SLC4A4: variants seen among roughly 807,000 people sequenced by gnomAD.
The protein encoded by SLC4A4 is solute carrier family 4 member 4.
Under a neutral mutation model 111.5 loss-of-function variants are expected in SLC4A4, and 27 were observed. The ratio of observed to expected loss-of-function variants is 0.24; its 90% CI spans 0.18 to 0.33. The LOEUF (loss-of-function observed/expected upper bound fraction) is 0.33, where lower values mean the gene tolerates loss of function less well. Among genes scored for constraint, SLC4A4 ranks in the 10% least tolerant of loss-of-function variants. The pLI is 1.00. For missense variants in SLC4A4, 909 were observed against 1,315.5 expected (o/e 0.69, Z 4.78); for synonymous variants, 443 against 463.4 (o/e 0.96, Z 0.57).
At chr4:71,435,729 C>T (rs1056075513) in intron 7 of SLC4A4, among the ~76,000 whole-genome samples, 1 of 151,972 alleles carries the variant, frequency 6.6e-6, no homozygotes, top group African/African-American at 2.4e-5. Context: ...AACAAACAAC[C>T]CCATCAAAAA....
chr4:71,063,928 G>A (rs1379722239), intron 1 of SLC4A4, among the ~76,000 whole-genome samples: 1 of 152,074 alleles, frequency 6.6e-6, no homozygotes, highest in African/African-American at 2.4e-5. Flanking sequence ...AGAAAGGTCA[G>A]GGAGCATTTG....
intron 3 of SLC4A4, among the ~76,000 whole-genome samples, chr4:71,272,855 C>T (rs1280947122): frequency 1.3e-5 from 2 of 152,086 alleles, no homozygotes; most frequent in Non-Finnish European, 1.5e-5. Context: ...CTAGATATAG[C>T]AATGTCACAA....
At chr4:71,521,631 G>A (rs1377527) in intron 16 of SLC4A4, among the ~76,000 whole-genome samples, 34,438 of 151,918 alleles carry the variant, frequency 0.23, 5,432 homozygotes, top group East Asian at 0.57. Flanking sequence ...TTTAATAAAG[G>A]CACTATTTAT....
At chr4:71,422,941 C>T (rs1722700716) in intron 7 of SLC4A4, among the ~76,000 whole-genome samples, 1 of 152,168 alleles carries the variant, frequency 6.6e-6, no homozygotes, top group African/African-American at 2.4e-5. Context: ...ACAGGGCTGC[C>T]CTCTCTCACC....
intron 2 of SLC4A4, among the ~76,000 whole-genome samples, chr4:71,165,191 T>C (rs1483018659): frequency 1.3e-5 from 2 of 152,150 alleles, no homozygotes; most frequent in African/African-American, 4.8e-5. Context: ...GACCCAGCAA[T>C]CCCATTACTG....
intron 2 of SLC4A4, among the ~76,000 whole-genome samples, chr4:71,111,319 G>T (rs376527552): frequency 6.6e-6 from 1 of 151,986 alleles, no homozygotes; most frequent in Non-Finnish European, 1.5e-5. Flanking sequence ...AGATGTAAGG[G>T]TATCAGATGA....
intron 1 of SLC4A4, among the ~76,000 whole-genome samples, chr4:71,232,508 A>T (rs1409867409): frequency 6.6e-6 from 1 of 152,070 alleles, no homozygotes; most frequent in East Asian, 1.9e-4. Flanking sequence ...AACTTCTGGG[A>T]TCAAGCAGTC....
intron 1 of SLC4A4, among the ~76,000 whole-genome samples, chr4:71,074,179 C>T (rs1741747883): frequency 6.6e-6 from 1 of 152,180 alleles, no homozygotes; most frequent in South Asian, 2.1e-4. Context: ...ATTTCTGTCA[C>T]TCTGTTTCTC....
intron 2 of SLC4A4, among the ~76,000 whole-genome samples, chr4:71,139,557 T>C (rs2148965621): frequency 6.6e-6 from 1 of 152,296 alleles, no homozygotes; most frequent in Non-Finnish European, 1.5e-5. Context: ...CCTGCCCATG[T>C]TCCTGGCGAT....
At chr4:71,421,520 C>T (rs1722503636) in intron 7 of SLC4A4, among the ~76,000 whole-genome samples, 1 of 152,180 alleles carries the variant, frequency 6.6e-6, no homozygotes, top group Non-Finnish European at 1.5e-5. Flanking sequence ...CACCCCAAAT[C>T]AACAGAATAT....
chr4:71,486,370 T>C (rs1434099915), intron 14 of SLC4A4, among the ~76,000 whole-genome samples: 2 of 151,532 alleles, frequency 1.3e-5, no homozygotes, highest in Non-Finnish European at 1.5e-5. Flanking sequence ...CTTCAACCTA[T>C]AAATGACGCC....
chr4:71,338,929 G>A, intron 3 of SLC4A4: 1 of 534,114 alleles, frequency 1.9e-6, no homozygotes, highest in Non-Finnish European at 3.0e-6. Flanking sequence ...AGGGTGGGTG[G>A]GAGGCGGGGA....
At chr4:71,232,538 C>A (rs2045010) in intron 1 of SLC4A4, among the ~76,000 whole-genome samples, 2,003 of 152,186 alleles carry the variant, frequency 0.013, 58 homozygotes, top group African/African-American at 0.045. Flanking sequence ...CAGCCTCCCA[C>A]GTAGCTGGGA....
intron 17 of SLC4A4, among the ~76,000 whole-genome samples, chr4:71,533,053 C>T (rs370181105): frequency 1.3e-5 from 2 of 152,060 alleles, no homozygotes; most frequent in Non-Finnish European, 1.5e-5. Context: ...TAGAATAATC[C>T]TCCTTCCCTC....
intron 1 of SLC4A4, among the ~76,000 whole-genome samples, chr4:71,225,547 A>G (rs938105410): frequency 6.6e-6 from 1 of 152,190 alleles, no homozygotes; most frequent in Non-Finnish European, 1.5e-5. Flanking sequence ...ATAAAATTTC[A>G]GGAGCCTCAT....
intron 6 of SLC4A4, among the ~76,000 whole-genome samples, chr4:71,391,214 A>G (rs751517550): frequency 6.6e-6 from 1 of 152,058 alleles, no homozygotes; most frequent in Non-Finnish European, 1.5e-5. Flanking sequence ...TATTACATGT[A>G]AGTTATCTTA....
chr4:71,441,165 C>T (rs959984246), intron 8 of SLC4A4, among the ~76,000 whole-genome samples: 25 of 152,064 alleles, frequency 1.6e-4, no homozygotes, highest in African/African-American at 5.6e-4. Flanking sequence ...TCTGTTTTAT[C>T]AGAAAATTGG....
rs911386238 is a variant in SLC4A4 at position 71,275,699 on chromosome 4, G to A, written c.253+20300G>A. ...GAGGACAAGTGATTTGGCCAAGGTG[G>A]CACAAACAGTTAACTTAGGCCTTCG... On this transcript the variant is annotated intron_variant, in intron 3 of 25. Transcript: ENST00000264485. Among the ~76,000 whole-genome samples the A allele has an allele frequency of 4.6e-5, 7 of 152,316 alleles. No individual in the cohort carries two copies. In the South Asian group the frequency reaches 8.3e-4, roughly 18 times the overall value.
chr4:71,373,611 C>A (rs1732079930), intron 6 of SLC4A4, among the ~76,000 whole-genome samples: 1 of 152,028 alleles, frequency 6.6e-6, no homozygotes, highest in African/African-American at 2.4e-5. Context: ...GCTAGAGTGG[C>A]AAAATAATTG....
Sources: allele counts gnomAD v4.1 joint callset (sites outside exome capture counted in the v4.1 genomes callset), GRCh38; gene constraint gnomAD v4.1.1; transcripts MANE v1.5; gene names NCBI Gene and HGNC (gene_info 2026-07-23, HGNC 2026-07-21).